PRX: variants seen among roughly 807,000 people sequenced by gnomAD.
The protein encoded by PRX is periaxin.
PRX carries 24 observed loss-of-function variants against 29.6 expected under a neutral mutation model. The ratio of observed to expected loss-of-function variants is 0.81; its 90% CI spans 0.59 to 1.14. The LOEUF is 1.14. Ranked by LOEUF, PRX falls within the 50% of genes most tolerant of loss-of-function variation. The probability of loss-of-function intolerance (pLI) is 0.00; values close to 1 mark genes in which losing one functional copy is unlikely to be tolerated. For missense variants in PRX, 1,838 were observed against 1,926.4 expected (o/e 0.95, Z 0.86); for synonymous variants, 772 against 831.7 (o/e 0.93, Z 1.24).
chr19:40,414,771 C>T (rs767488263), upstream of PRX, among the ~76,000 whole-genome samples: 4 of 152,174 alleles, frequency 2.6e-5, no homozygotes, highest in Admixed American at 6.5e-5. Flanking sequence ...GCTGCTGCCT[C>T]GGAAGCTCGT....
At chr19:40,404,286 G>A (rs912588567) in intron 4 of PRX, among the ~76,000 whole-genome samples, 2 of 152,130 alleles carry the variant, frequency 1.3e-5, no homozygotes, top group Admixed American at 1.3e-4. Flanking sequence ...GCCCTGGAGC[G>A]GCAGCCGAAA....
At position 40,395,716 on chromosome 19, in the gene PRX, C is replaced by T; in HGVS notation, c.2636G>A (p.Gly879Glu). 10 of 1,614,118 alleles carry T rather than the reference C, an allele frequency of 6.2e-6. No individual in the cohort carries two copies. Among genetic ancestry groups the T allele is most frequent in the Non-Finnish European group, 8.5e-6 (10 of 1,179,994 alleles). ...GQVPAAKMGK[G>E]ERVEGPEVAA... ...CACCTCAGGGCCCTCCACCCGCTCT[C>T]CCTTGCCCATTTTAGCGGCTGGGAC... Residue 879 changes from glycine to glutamate, a missense_variant, in exon 7 of 7, where the codon GGA becomes GAA. This residue lies in a region of PRX where 1,143 missense variants were observed against 1,193.0 expected (regional missense o/e 0.96). Coordinates refer to ENST00000324001, the MANE Select transcript of PRX (RefSeq NM_181882.3).
At chr19:40,405,470 C>A (rs1217909147) in intron 4 of PRX, among the ~76,000 whole-genome samples, 3 of 152,044 alleles carry the variant, frequency 2.0e-5, no homozygotes, top group African/African-American at 7.2e-5. Context: ...AGGTCTAGGC[C>A]AGATGCCCCA....
At chr19:40,412,219 T>C (rs2079561769) in intron 1 of PRX, among the ~76,000 whole-genome samples, 1 of 152,114 alleles carries the variant, frequency 6.6e-6, no homozygotes, top group Admixed American at 6.6e-5. Flanking sequence ...GGTCAGGGGT[T>C]GGGCTGACTC....
Position 40,397,772 on chromosome 19 carries a change from G to A in PRX, c.580C>T (p.Arg194Cys), listed in dbSNP as rs45521038. 1.8e-4 allele frequency: 290 copies of A among 1,567,666 alleles called. 1 individual carries two copies. The African/African-American group carries it at 3.6e-3, about 19-fold the overall frequency. ...ARRRLQLPRL[R>C]VREVAEEAQA... ...GCCTCTTCGGCCACTTCTCGTACACGCAGCCGAGGCAGCTGGAGGCGCCGG... is the reference window on the plus strand; with the variant it reads ...GCCTCTTCGGCCACTTCTCGTACACACAGCCGAGGCAGCTGGAGGCGCCGG... The change falls in exon 7 of 7, where the codon CGT (arginine) becomes TGT (cysteine). Residue 194 changes from arginine (R) to cysteine (C), a missense_variant. Coordinates refer to ENST00000324001, the MANE Select transcript of PRX (RefSeq NM_181882.3).
intron 5 of PRX, among the ~76,000 whole-genome samples, chr19:40,399,883 C>CTTTCTTTCTT (rs1029373547): frequency 1.4e-5 from 1 of 71,840 alleles, no homozygotes; most frequent in Admixed American, 1.2e-4. Context: ...TTCTTTCTTT[C>CTTTCTTTCTT]TTTCTTTCTT....
At chr19:40,410,327 C>A (rs1186839045) in intron 1 of PRX, among the ~76,000 whole-genome samples, 1 of 152,206 alleles carries the variant, frequency 6.6e-6, no homozygotes, top group Non-Finnish European at 1.5e-5. Flanking sequence ...CACAATGGCC[C>A]GTCTGCTGTG....
intron 5 of PRX, among the ~76,000 whole-genome samples, chr19:40,401,381 C>T (rs1269641217): frequency 6.6e-6 from 1 of 152,146 alleles, no homozygotes; most frequent in Non-Finnish European, 1.5e-5. Context: ...CAGCTTCAGT[C>T]TCCTGGGCTC....
Position 40,393,863 on chromosome 19 carries a change from C to T in PRX, c.*103G>A. 1 of 1,571,208 alleles carries T rather than the reference C, an allele frequency of 6.4e-7. No homozygotes were observed. The highest frequency in any genetic ancestry group is 8.6e-7 in the Non-Finnish European group (1 of 1,158,454). On this transcript the variant is annotated 3_prime_UTR_variant, in exon 7 of 7. Transcript: ENST00000324001. ...CCTCCCTGCCAGCCCTGGTCAGTCA[C>T]CCACCTCCCGGCCCTCTTAGGGTTA...
At chr19:40,409,376 A>C (rs560478468) in intron 1 of PRX, among the ~76,000 whole-genome samples, 1 of 152,038 alleles carries the variant, frequency 6.6e-6, no homozygotes, top group African/African-American at 2.4e-5. Flanking sequence ...TTTACCTCGC[A>C]GGGCTGTTCC....
chr19:40,404,235 G>T (rs1434689592), intron 4 of PRX, among the ~76,000 whole-genome samples: 3 of 152,204 alleles, frequency 2.0e-5, no homozygotes, highest in Non-Finnish European at 2.9e-5. Flanking sequence ...AGGACCCGCG[G>T]AACGGTTAAA....
Position 40,395,207 on chromosome 19 carries a change from C to A in PRX, c.3145G>T (p.Gly1049Cys). The change falls in exon 7 of 7, where the codon GGC (glycine) becomes TGC (cysteine). Residue 1049 changes from glycine (G) to cysteine (C), a missense_variant. Gly to Cys is a radical substitution (Grantham distance 159). Transcript: ENST00000324001. Reference sequence around the variant, plus strand: ...TTCACCCTCCCATCCCAGCCCCAGCCCTTGCCCTCCAACTCAGCCACCCCT... The same window carrying A: ...TTCACCCTCCCATCCCAGCCCCAGCACTTGCCCTCCAACTCAGCCACCCCT... ...VPGVAELEGK[G>C]WGWDGRVKMP... 1 of 1,614,064 alleles carries A rather than the reference C, an allele frequency of 6.2e-7. No homozygotes were observed.
At chr19:40,411,440 G>C (rs969319442) in intron 1 of PRX, among the ~76,000 whole-genome samples, 3 of 152,178 alleles carry the variant, frequency 2.0e-5, no homozygotes, top group Non-Finnish European at 2.9e-5. Flanking sequence ...CTGAGCTGGG[G>C]ACACGAGAAG....
intron 1 of PRX, among the ~76,000 whole-genome samples, chr19:40,412,892 A>T (rs192514358): frequency 1.4e-3 from 211 of 151,814 alleles, no homozygotes; most frequent in East Asian, 0.014. Context: ...ATTAAAAAAA[A>T]TTTTTTTTTG....
intron 2 of PRX, 39 bp from the exon 3 acceptor site, chr19:40,408,295 C>T (rs1288738319): frequency 2.0e-5 from 9 of 441,336 alleles, no homozygotes; most frequent in South Asian, 5.1e-5. Context: ...TCCAGGCAGG[C>T]GAGGAAGGGG....
Position 40,393,815 on chromosome 19 carries a change from C to A in PRX, c.*151G>T. ...CATGGCTTGGTGGGGTACAGGCACT[C>A]CTGCCAGAGAGACAGGAGCAGGCCT... On this transcript the variant is annotated 3_prime_UTR_variant, in exon 7 of 7. Coordinates refer to ENST00000324001, the MANE Select transcript of PRX (RefSeq NM_181882.3). 1 of 1,207,458 alleles carries A rather than the reference C, an allele frequency of 8.3e-7. No individual in the cohort carries two copies. Among genetic ancestry groups the A allele is most frequent in the East Asian group, 2.4e-5 (1 of 41,130 alleles). 74.8% of individuals were successfully genotyped at this position (1,207,458 alleles called of 1,614,324 possible).
In PRX at chr19:40,396,698, A is replaced by C. The variant is rs754257849; in HGVS notation, c.1654T>G (p.Ser552Ala). ...RLPEVQLPKV[S>A]EMKLPEVSEV... ...GACACCTCTGGGAGTTTCATCTCTG[A>C]CACTTTCGGCAGCTGTACCTCTGGA... Residue 552 changes from serine to alanine, a missense_variant, in exon 7 of 7, where the codon TCA (serine) becomes GCA (alanine). Ser to Ala is a moderately conservative substitution (Grantham distance 99). Coordinates refer to ENST00000324001, the MANE Select transcript of PRX (RefSeq NM_181882.3). 40 of 1,608,890 alleles carry C rather than the reference A, an allele frequency of 2.5e-5. No individual in the cohort carries two copies.
Position 40,403,790 on chromosome 19 carries a change from C to T in PRX, c.100G>A (p.Val34Ile). 6.2e-7 allele frequency: 1 copy of T among 1,607,714 alleles called. No homozygotes were observed. Among genetic ancestry groups the T allele is most frequent in the South Asian group, 1.1e-5 (1 of 90,074 alleles). Residue 34 changes from valine to isoleucine, a missense_variant, in exon 5 of 7, where the codon GTA becomes ATA. Physicochemically the swap from Val to Ile is conservative, Grantham distance 29. Coordinates refer to ENST00000324001, the MANE Select transcript of PRX (RefSeq NM_181882.3). The part of the protein sequence containing the change: ...EAQTGVSGIN[V>I]AGGGKEGIFV... ...ATTCCCTCTTTGCCGCCGCCCGCTA[C>T]GTTGATGCCGCTGACCCCGGTCTGC...
intron 4 of PRX, among the ~76,000 whole-genome samples, chr19:40,407,245 T>A (rs1304702080): frequency 6.6e-6 from 1 of 151,140 alleles, no homozygotes; most frequent in Non-Finnish European, 1.5e-5. Context: ...TGTGTGTGTG[T>A]GTGTGTGTTT....
Sources: gnomAD v4.1 joint callset for allele counts (sites outside exome capture counted in the v4.1 genomes callset) on GRCh38, gnomAD v4.1.1 for gene constraint, gnomAD v4.1.1 regional missense constraint, MANE v1.5 for transcripts, NCBI Gene and HGNC (gene_info 2026-07-23, HGNC 2026-07-21) for gene names.